WWOX: variants seen among roughly 807,000 people sequenced by gnomAD.
WWOX encodes the protein WW domain-containing oxidoreductase.
Under a neutral mutation model 46.2 loss-of-function variants are expected in WWOX, and 69 were observed. The observed-to-expected ratio is 1.49, with a 90% CI of 1.23 to 1.82. The LOEUF is 1.82. WWOX is among the 40% of genes most tolerant of loss of function. WWOX has a pLI of 0.00. For missense variants in WWOX, 919 were observed against 542.6 expected (o/e 1.69, Z -6.89); for synonymous variants, 359 against 202.6 (o/e 1.77, Z -6.56).
intron 8 of WWOX, among the ~76,000 whole-genome samples, chr16:79,080,587 A>T (rs1080511): frequency 3.3e-5 from 5 of 152,152 alleles, no homozygotes; most frequent in South Asian, 2.1e-4. Context: ...CTCGAATCCA[A>T]ATTCCTGGAT....
intron 8 of WWOX, among the ~76,000 whole-genome samples, chr16:78,994,689 G>C (rs780792673): frequency 2.4e-4 from 36 of 152,110 alleles, no homozygotes; most frequent in Non-Finnish European, 2.4e-4. Context: ...AATAGACAGT[G>C]GGGGGTGGAA....
chr16:79,115,362 T>C (rs1310988802), intron 8 of WWOX, among the ~76,000 whole-genome samples: 1 of 152,176 alleles, frequency 6.6e-6, no homozygotes, highest in Non-Finnish European at 1.5e-5. Context: ...AGGACTTATA[T>C]GGTGCAGGGT....
chr16:78,198,672 T>C (rs1182450499), intron 5 of WWOX, among the ~76,000 whole-genome samples: 1 of 152,226 alleles, frequency 6.6e-6, no homozygotes, highest in Admixed American at 6.5e-5. Flanking sequence ...CTTTTGCTGT[T>C]ACGAGCATGG....
At chr16:79,001,759 G>T (rs911431591) in intron 8 of WWOX, among the ~76,000 whole-genome samples, 3 of 152,082 alleles carry the variant, frequency 2.0e-5, no homozygotes, top group African/African-American at 7.2e-5. Flanking sequence ...TTGTGCAGTG[G>T]GAAGTTGGAG....
At chr16:79,181,445 A>G (rs966465249) in intron 8 of WWOX, among the ~76,000 whole-genome samples, 2 of 152,192 alleles carry the variant, frequency 1.3e-5, no homozygotes, top group African/African-American at 4.8e-5. Context: ...TTAATTTTGT[A>G]GGACAGATGG....
intron 8 of WWOX, among the ~76,000 whole-genome samples, chr16:78,959,962 G>T (rs552676726): frequency 6.6e-6 from 1 of 152,290 alleles, no homozygotes; most frequent in East Asian, 1.9e-4. Context: ...GAGAATAAAG[G>T]GTGTGTATAA....
intron 8 of WWOX, among the ~76,000 whole-genome samples, chr16:78,452,880 T>C (rs1238769926): frequency 6.6e-6 from 1 of 151,006 alleles, no homozygotes; most frequent in East Asian, 2.0e-4. Context: ...TATATATATA[T>C]ACATATTTTT....
At chr16:78,613,845 C>T (rs777682828) in intron 8 of WWOX, among the ~76,000 whole-genome samples, 17 of 152,294 alleles carry the variant, frequency 1.1e-4, no homozygotes, top group Non-Finnish European at 2.5e-4. Flanking sequence ...GAATACACTG[C>T]GTATTCTGTG....
intron 8 of WWOX, among the ~76,000 whole-genome samples, chr16:78,854,867 C>T (rs555094840): frequency 1.3e-5 from 2 of 151,864 alleles, no homozygotes; most frequent in South Asian, 4.2e-4. Context: ...GAGGCCTGAG[C>T]CACCGCGCCA....
intron 8 of WWOX, among the ~76,000 whole-genome samples, chr16:79,113,235 AG>A (rs2049450777): frequency 6.6e-6 from 1 of 152,180 alleles, no homozygotes; most frequent in Admixed American, 6.5e-5. Flanking sequence ...GGGAAGGGGA[AG>A]CAAAAGCCAT....
At chr16:78,516,464 T>C (rs1164229101) in intron 8 of WWOX, among the ~76,000 whole-genome samples, 1 of 152,214 alleles carries the variant, frequency 6.6e-6, no homozygotes, top group East Asian at 1.9e-4. Context: ...ATTCCCATGC[T>C]CAGAGCTTTC....
Position 78,522,686 on chromosome 16 carries a change from G to C in WWOX, c.1056+89934G>C, listed in dbSNP as rs569919261. On this transcript the variant is annotated intron_variant, in intron 8 of 8. Transcript: ENST00000566780. ...TTGAGCAGATGAGATGCTCTTGCTA[G>C]CTTTGGTAAAAAGTCGGGGCAAGGT... 5.9e-5 allele frequency among the ~76,000 whole-genome samples: 9 copies of C among 152,334 alleles called. No individual in the cohort carries two copies. In the East Asian group the frequency reaches 1.7e-3, roughly 29 times the overall value.
chr16:78,484,193 T>G (rs1183275678), intron 8 of WWOX, among the ~76,000 whole-genome samples: 1 of 151,852 alleles, frequency 6.6e-6, no homozygotes, highest in Non-Finnish European at 1.5e-5. Context: ...TATTACTGCA[T>G]AGGCTGGAAT....
intron 8 of WWOX, among the ~76,000 whole-genome samples, chr16:78,970,895 T>A (rs1044650425): frequency 6.6e-6 from 1 of 152,016 alleles, no homozygotes; most frequent in Admixed American, 6.6e-5. Context: ...ATCAGATGAT[T>A]TGTTTGCTTC....
At chr16:78,453,483 G>A (rs1488509303) in intron 8 of WWOX, among the ~76,000 whole-genome samples, 1 of 152,068 alleles carries the variant, frequency 6.6e-6, no homozygotes, top group African/African-American at 2.4e-5. Flanking sequence ...GACAACATGA[G>A]CTAGCGGTAG....
At chr16:78,652,262 A>C (rs992050972) in intron 8 of WWOX, among the ~76,000 whole-genome samples, 1 of 148,148 alleles carries the variant, frequency 6.8e-6, no homozygotes, top group African/African-American at 2.5e-5. Flanking sequence ...TCCAAAAATT[A>C]GCTGGGCGTG....
intron 5 of WWOX, among the ~76,000 whole-genome samples, chr16:78,383,241 T>A (rs1293980740): frequency 6.6e-6 from 1 of 152,074 alleles, no homozygotes; most frequent in Non-Finnish European, 1.5e-5. Context: ...GACTGTGGTC[T>A]AGTAAATTGT....
chr16:78,335,789 C>G (rs936763229), intron 5 of WWOX, among the ~76,000 whole-genome samples: 2 of 152,110 alleles, frequency 1.3e-5, no homozygotes, highest in African/African-American at 4.8e-5. Context: ...GGCCCCAAAA[C>G]TTGCGTTTCT....
intron 8 of WWOX, among the ~76,000 whole-genome samples, chr16:79,127,886 T>C (rs550706959): frequency 6.4e-4 from 98 of 152,250 alleles, no homozygotes; most frequent in African/African-American, 1.6e-3. Flanking sequence ...GAAGTTAGAC[T>C]GCAAGAAGGA....
Sources: allele counts gnomAD v4.1 joint callset (sites outside exome capture counted in the v4.1 genomes callset), GRCh38; gene constraint gnomAD v4.1.1; transcripts MANE v1.5; gene names NCBI Gene and HGNC (gene_info 2026-07-23, HGNC 2026-07-21).